The following SCAI variants were observed in gnomAD, a reference collection of about 807,000 sequenced individuals.
SCAI encodes the protein protein SCAI.
A neutral mutation model predicts 92.2 loss-of-function variants in SCAI; 24 were observed. That is an observed-to-expected ratio of 0.26 (90% CI 0.19 to 0.37). The LOEUF (loss-of-function observed/expected upper bound fraction) is 0.37. SCAI is among the 10% of genes least tolerant of loss of function. The pLI, the probability that SCAI is intolerant of heterozygous loss-of-function variation, is 1.00. For synonymous variants in SCAI, 261 were observed against 258.6 expected (o/e 1.01, Z -0.09); for missense variants, 450 against 736.2 (o/e 0.61, Z 4.50).
At chr9:125,108,227 A>G (rs1228769750) in intron 2 of SCAI, among the ~76,000 whole-genome samples, 4 of 152,250 alleles carry the variant, frequency 2.6e-5, no homozygotes, top group African/African-American at 9.6e-5. Context: ...CAAAGTGCCG[A>G]GATTGCAGCC....
rs75990501 is a variant in SCAI, at chr9:125,076,065, T to C, written c.99-20058A>G. 1.5e-3 allele frequency among the ~76,000 whole-genome samples: 225 copies of C among 152,336 alleles called. 1 individual carries two copies. Among genetic ancestry groups the C allele is most frequent in the African/African-American group, 5.1e-3 (212 of 41,588 alleles). ...GCAACAGTGGCCAACAGTCTGTGTA[T>C]GTAGTATAAATACAAACAACATGAA... On this transcript the variant is annotated intron_variant, in intron 2 of 17. Transcript: ENST00000336505.
intron 2 of SCAI, among the ~76,000 whole-genome samples, chr9:125,074,068 G>T (rs538271431): frequency 2.0e-5 from 3 of 151,604 alleles, no homozygotes; most frequent in Admixed American, 2.0e-4. Flanking sequence ...GACCGTCCTG[G>T]CTAACACGGT....
rs577636279 is a variant in SCAI at position 125,032,550 on chromosome 9, G to A, written c.231-2811C>T. On this transcript the variant is annotated intron_variant, in intron 3 of 17. Transcript: ENST00000336505. ...TCTTGCTATTGGTGTCACCCACCTCGCTGTTGGGCAAGGTATATTGTGAAG... is the reference window on the plus strand; with the variant it reads ...TCTTGCTATTGGTGTCACCCACCTCACTGTTGGGCAAGGTATATTGTGAAG... Among the ~76,000 whole-genome samples, 12 of 150,738 alleles carry A rather than the reference G, an allele frequency of 8.0e-5. No individual in the cohort carries two copies. In the East Asian group the frequency reaches 1.8e-3, roughly 22 times the overall value.
chr9:125,062,889 G>A (rs142378207), intron 2 of SCAI, among the ~76,000 whole-genome samples: 14,106 of 148,242 alleles, frequency 0.095, 858 homozygotes, highest in Non-Finnish European at 0.13. Context: ...GCATGGTGGC[G>A]CGTGCCTGTA....
At chr9:124,996,660 C>T (rs780732945) in intron 13 of SCAI, among the ~76,000 whole-genome samples, 3 of 151,686 alleles carry the variant, frequency 2.0e-5, no homozygotes, top group African/African-American at 4.8e-5. Context: ...GATGGAGTCT[C>T]GCTCTGTCAC....
intron 9 of SCAI, among the ~76,000 whole-genome samples, chr9:125,012,426 A>C: frequency 6.6e-6 from 1 of 152,200 alleles, no homozygotes; most frequent in South Asian, 2.1e-4. Flanking sequence ...AGATCAAAAG[A>C]GATAAAGAAG....
At chr9:125,080,953 A>G (rs923900994) in intron 2 of SCAI, among the ~76,000 whole-genome samples, 3 of 152,172 alleles carry the variant, frequency 2.0e-5, no homozygotes, top group Non-Finnish European at 4.4e-5. Context: ...ATGAGACCCA[A>G]TGGTTTTAAA....
At chr9:125,072,373 A>C (rs2131164615) in intron 2 of SCAI, among the ~76,000 whole-genome samples, 1 of 152,314 alleles carries the variant, frequency 6.6e-6, no homozygotes, top group East Asian at 1.9e-4. Flanking sequence ...TACTCAAGTA[A>C]CTGTAGTAAG....
At chr9:125,104,011 G>T (rs998625974) in intron 2 of SCAI, among the ~76,000 whole-genome samples, 34 of 152,162 alleles carry the variant, frequency 2.2e-4, no homozygotes, top group Non-Finnish European at 4.3e-4. Context: ...CCAAAGGAAA[G>T]AAGCATATCT....
At position 125,001,864 on chromosome 9, in the gene SCAI, C is replaced by G. The variant is rs533290133; in HGVS notation, c.1144+101G>C. On this transcript the variant is annotated intron_variant, in intron 12 of 17. Transcript: ENST00000336505. The stretch of plus-strand genomic sequence containing the variant: ...CCAGGTTTCAAATTTGGAAGTCTGT[C>G]TAGAAAGGCTGAGATGGTCTGTGGG... The G allele has an allele frequency of 2.6e-4, 198 of 764,380 alleles. 2 individuals carry two copies. In the Admixed American group the frequency reaches 4.4e-3, roughly 17 times the overall value. 47.3% of individuals were successfully genotyped at this position (764,380 alleles called of 1,614,324 possible).
intron 2 of SCAI, among the ~76,000 whole-genome samples, chr9:125,084,170 T>C (rs1206257565): frequency 2.0e-4 from 25 of 127,418 alleles, no homozygotes; most frequent in African/African-American, 6.9e-4. Context: ...TTTTTTTTTT[T>C]TTTTTTTTTT....
intron 2 of SCAI, among the ~76,000 whole-genome samples, chr9:125,089,592 A>T (rs773233384): frequency 9.2e-5 from 14 of 152,204 alleles, no homozygotes; most frequent in Non-Finnish European, 1.5e-4. Flanking sequence ...GACCTACAAA[A>T]TCAGAATTTG....
intron 2 of SCAI, among the ~76,000 whole-genome samples, chr9:125,087,258 T>C (rs1345225737): frequency 1.3e-5 from 2 of 152,244 alleles, no homozygotes; most frequent in African/African-American, 4.8e-5. Context: ...CCAGTAGCAT[T>C]GATTGATACA....
intron 3 of SCAI, among the ~76,000 whole-genome samples, chr9:125,041,439 G>A (rs1485561151): frequency 2.0e-5 from 3 of 152,160 alleles, no homozygotes; most frequent in Non-Finnish European, 4.4e-5. Context: ...GACAATTATT[G>A]TGTTTCATTA....
chr9:125,119,758 T>C (rs970794424), intron 2 of SCAI, among the ~76,000 whole-genome samples: 14 of 152,316 alleles, frequency 9.2e-5, no homozygotes, highest in African/African-American at 3.4e-4. Flanking sequence ...AAACACTACA[T>C]AAGCACTCAT....
intron 2 of SCAI, among the ~76,000 whole-genome samples, chr9:125,073,474 A>T (rs922303796): frequency 1.3e-5 from 2 of 152,182 alleles, no homozygotes; most frequent in Non-Finnish European, 2.9e-5. Flanking sequence ...AGTCCCACCA[A>T]CAATGCACAA....
Position 124,948,293 on chromosome 9 carries a change from C to G in SCAI, c.*4514G>C, listed in dbSNP as rs916294661. On this transcript the variant is annotated 3_prime_UTR_variant, in exon 18 of 18. Coordinates refer to ENST00000336505, the MANE Select transcript of SCAI (RefSeq NM_001144877.3). ...GCACTTTGCTTCTGAAATCCTGAAA[C>G]GTTTCAATTTGGTAAAAATAAAGAG... The G allele has an allele frequency of 1.3e-5, 2 of 152,082 alleles. No homozygotes were observed. Among genetic ancestry groups the G allele is most frequent in the Non-Finnish European group, 2.9e-5 (2 of 68,010 alleles). 9.4% of individuals were successfully genotyped at this position (152,082 alleles called of 1,614,324 possible). A position where few individuals can be genotyped will look rare whatever the true frequency, so the allele number is the denominator to read the frequency against.
chr9:125,062,888 C>T (rs1272559702), intron 2 of SCAI, among the ~76,000 whole-genome samples: 5 of 151,624 alleles, frequency 3.3e-5, no homozygotes, highest in African/African-American at 7.3e-5. Flanking sequence ...GGCATGGTGG[C>T]GCGTGCCTGT....
rs944276995 is a variant in SCAI at position 124,947,591 on chromosome 9, C to A, written c.*5216G>T. On this transcript the variant is annotated 3_prime_UTR_variant, in exon 18 of 18. Transcript: ENST00000336505. The stretch of plus-strand genomic sequence containing the variant: ...ATTCAGCCCACAATGGGTATGGGTA[C>A]ATAATATACACATACTGTATCACTG... The A allele has an allele frequency of 2.0e-5, 3 of 152,056 alleles. No homozygotes were observed. The highest frequency in any genetic ancestry group is 4.4e-5 in the Non-Finnish European group (3 of 68,024). 9.4% of individuals were successfully genotyped at this position (152,056 alleles called of 1,614,324 possible).
Sources: gnomAD v4.1 joint callset for allele counts (sites outside exome capture counted in the v4.1 genomes callset) on GRCh38, gnomAD v4.1.1 for gene constraint, MANE v1.5 for transcripts, NCBI Gene and HGNC (gene_info 2026-07-23, HGNC 2026-07-21) for gene names.